The following RPGRIP1L variants were observed in gnomAD, a reference collection of about 807,000 sequenced individuals.
RPGRIP1L encodes RPGRIP1 like, also known as protein fantom.
In RPGRIP1L, 131 loss-of-function variants were observed where a neutral mutation model predicts 160.4. The ratio of observed to expected loss-of-function variants is 0.82; its 90% CI spans 0.71 to 0.94. The LOEUF (loss-of-function observed/expected upper bound fraction) is 0.94. Ranked by LOEUF, RPGRIP1L falls within the 40% of genes least tolerant of loss-of-function variation. The pLI is 0.00. For missense variants in RPGRIP1L, 1,522 were observed against 1,535.8 expected, an observed-to-expected ratio of 0.99 and a Z score of 0.15; for synonymous variants, 510 against 515.8, an observed-to-expected ratio of 0.99 and a Z score of 0.15.
intron 26 of RPGRIP1L, among the ~76,000 whole-genome samples, chr16:53,602,714 C>T (rs528848770): frequency 3.3e-5 from 5 of 150,028 alleles, no homozygotes; most frequent in African/African-American, 9.9e-5. Flanking sequence ...GTGGAGGTTG[C>T]GGTGAGCCGA....
chr16:53,616,807 C>T (rs1240315010), intron 24 of RPGRIP1L, among the ~76,000 whole-genome samples: 2 of 151,916 alleles, frequency 1.3e-5, no homozygotes, highest in East Asian at 1.9e-4. Context: ...CATGGTGGCT[C>T]GCACCTGTAA....
chr16:53,624,066 ATTT>A (rs1555591981), intron 22 of RPGRIP1L, among the ~76,000 whole-genome samples: 2 of 152,002 alleles, frequency 1.3e-5, no homozygotes, highest in Non-Finnish European at 2.9e-5. Context: ...TATTTTTTAA[ATTT>A]TTTGTAGAGA....
chr16:53,637,952 G>A, intron 20 of RPGRIP1L, 98 bp from the exon 21 acceptor site: 1 of 1,229,238 alleles, frequency 8.1e-7, no homozygotes, highest in Non-Finnish European at 1.2e-6. Flanking sequence ...ATGTAAATTT[G>A]AGACTTAAAT....
At chr16:53,675,488 C>T (rs540456009) in intron 6 of RPGRIP1L, among the ~76,000 whole-genome samples, 6 of 152,058 alleles carry the variant, frequency 3.9e-5, no homozygotes, top group Non-Finnish European at 7.4e-5. Flanking sequence ...TACCGAACTT[C>T]ACACTTATTT....
rs565245381 is a variant in RPGRIP1L at position 53,696,281 on chromosome 16, G to A, written c.100C>T (p.Arg34Trp). 53 of 1,613,824 alleles carry A rather than the reference G, an allele frequency of 3.3e-5. No homozygotes were observed. Among genetic ancestry groups the A allele is most frequent in the Middle Eastern group, 1.6e-4 (1 of 6,084 alleles). The change falls in exon 3 of 27, where the codon CGG becomes TGG. Residue 34 changes from arginine to tryptophan, a missense_variant. Transcript: ENST00000647211. Reference sequence around the variant, plus strand: ...ACTGCCTGGCGAGACTTCATTGTCCGTGTTGTTGAAGTTTCTGCAAAAATG... The same window carrying A: ...ACTGCCTGGCGAGACTTCATTGTCCATGTTGTTGAAGTTTCTGCAAAAATG... ...MGGLQETSTTRTMKSRQAVSR... is the reference protein window; with the variant it reads ...MGGLQETSTTWTMKSRQAVSR...
chr16:53,673,723 T>C (rs1332233055), intron 7 of RPGRIP1L, among the ~76,000 whole-genome samples: 3 of 152,052 alleles, frequency 2.0e-5, no homozygotes, highest in African/African-American at 7.2e-5. Flanking sequence ...AAATGACACA[T>C]GGCTATTGAG....
rs1360802119 is a variant in RPGRIP1L at position 53,695,568 on chromosome 16, A to C, written c.230+583T>G. 8 of 610,784 alleles carry C rather than the reference A, an allele frequency of 1.3e-5. No homozygotes were observed. In the East Asian group the frequency reaches 2.2e-4, roughly 17 times the overall value. 37.8% of individuals were successfully genotyped at this position (610,784 alleles called of 1,614,324 possible). A position where few individuals can be genotyped will look rare whatever the true frequency, so the allele number is the denominator to read the frequency against. On this transcript the variant is annotated intron_variant, in intron 3 of 26. Coordinates refer to ENST00000647211, the MANE Select transcript of RPGRIP1L (RefSeq NM_015272.5). ...GGCACAGCATTTCTGAATAAAAAAG[A>C]ATGAAAGAGTATCTACTCTTAAGAA...
intron 4 of RPGRIP1L, among the ~76,000 whole-genome samples, chr16:53,689,913 T>C (rs911802473): frequency 2.0e-5 from 3 of 152,218 alleles, no homozygotes; most frequent in Non-Finnish European, 2.9e-5. Flanking sequence ...TTAAAGTATG[T>C]AGTCATGTTT....
chr16:53,696,377 G>A, intron 2 of RPGRIP1L, 82 bp from the exon 3 acceptor site: 1 of 1,415,276 alleles, frequency 7.1e-7, no homozygotes, highest in South Asian at 1.2e-5. Context: ...AATCTCTGAT[G>A]CACTCATCTG....
chr16:53,652,137 G>A (rs1192935033), intron 15 of RPGRIP1L, among the ~76,000 whole-genome samples: 3 of 152,146 alleles, frequency 2.0e-5, no homozygotes, highest in South Asian at 2.1e-4. Context: ...GTGCAGTGGC[G>A]CCATCTCAGC....
In RPGRIP1L at chr16:53,602,056, T is replaced by C. The variant is rs780713134; in HGVS notation, c.*20A>G. 76 of 1,400,108 alleles carry C rather than the reference T, an allele frequency of 5.4e-5. 1 individual carries two copies. The South Asian group carries it at 8.7e-4, about 16-fold the overall frequency. 86.7% of individuals were successfully genotyped at this position (1,400,108 alleles called of 1,614,324 possible). A position where few individuals can be genotyped will look rare whatever the true frequency, so the allele number is the denominator to read the frequency against. ...TGAGCATTTACTGAGGAGTAGGAGA[T>C]GCCTCTGGAGCATTTGCTTTCAAGC... On this transcript the variant is annotated 3_prime_UTR_variant, in exon 27 of 27. Coordinates refer to ENST00000647211, the MANE Select transcript of RPGRIP1L (RefSeq NM_015272.5).
rs1445612197 is a variant in RPGRIP1L at position 53,605,535 on chromosome 16, C to A, written c.3781G>T (p.Asp1261Tyr). Residue 1261 changes from aspartate (D) to tyrosine (Y), a missense_variant, in exon 26 of 27, where the codon GAC (aspartate) becomes TAC (tyrosine). Physicochemically the swap from Asp to Tyr is radical, Grantham distance 160. Transcript: ENST00000647211. ...CCTTCCTGAAACATGTCGGCAAGGT[C>A]GACGTGAGCCACGCCAATGTCCTCA... ...ECEDIGVAHVDLADMFQEGRD... is the reference protein window; with the variant it reads ...ECEDIGVAHVYLADMFQEGRD... 2 of 1,614,074 alleles carry A rather than the reference C, an allele frequency of 1.2e-6. No homozygotes were observed. The highest frequency in any genetic ancestry group is 2.2e-5 in the East Asian group (1 of 44,866).
At chr16:53,624,983 A>C (rs1365034171) in intron 22 of RPGRIP1L, among the ~76,000 whole-genome samples, 1 of 152,046 alleles carries the variant, frequency 6.6e-6, no homozygotes, top group East Asian at 1.9e-4. Flanking sequence ...CCAGGCTGGT[A>C]TCCAGCTCCT....
In RPGRIP1L at chr16:53,703,644, C is replaced by T. The variant is rs1039184768; in HGVS notation, c.-8+159G>A. ...TTCAGGCCTGAGGATGTGGAGGTGT[C>T]TTGGGCTGGGCTGCTTTCACGCCAG... On this transcript the variant is annotated intron_variant, in intron 1 of 26. Transcript: ENST00000647211. 1.9e-5 allele frequency: 4 copies of T among 207,186 alleles called. No individual in the cohort carries two copies. In the Admixed American group the frequency reaches 2.1e-4, roughly 11 times the overall value. The allele number at this position is 207,186 out of a possible 1,614,324, so 12.8% of individuals were successfully genotyped here. A position where few individuals can be genotyped will look rare whatever the true frequency, so the allele number is the denominator to read the frequency against.
chr16:53,622,378 A>AAT (rs1964791173), intron 22 of RPGRIP1L, 22 bp from the exon 23 acceptor site: 4 of 614,978 alleles, frequency 6.5e-6, no homozygotes, highest in Non-Finnish European at 1.2e-5. Context: ...AAAAAAAAAA[A>AAT]ATCTTAAGAT....
In RPGRIP1L at chr16:53,602,208, A is replaced by G. The variant is rs1399609128; in HGVS notation, c.3836-20T>C. 3.3e-6 allele frequency: 5 copies of G among 1,519,648 alleles called. No individual in the cohort carries two copies. The highest frequency in any genetic ancestry group is 4.6e-6 in the Non-Finnish European group (5 of 1,094,802). The allele number at this position is 1,519,648 out of a possible 1,614,324, so 94.1% of individuals were successfully genotyped here. A position where few individuals can be genotyped will look rare whatever the true frequency, so the allele number is the denominator to read the frequency against. ...CAAAAACTAGGGAGAAAAGAGCAGG[A>G]AAGTGTTAATATCATTCAACAGATT... On this transcript the variant is annotated intron_variant, in intron 26 of 26. Transcript: ENST00000647211.
chr16:53,602,561 A>C (rs577924930), intron 26 of RPGRIP1L, among the ~76,000 whole-genome samples: 1 of 152,212 alleles, frequency 6.6e-6, no homozygotes, highest in South Asian at 2.1e-4. Context: ...TGATCACCTG[A>C]GGTTGAGAGT....
At chr16:53,626,854 C>G (rs1965220560) in intron 22 of RPGRIP1L, among the ~76,000 whole-genome samples, 1 of 150,366 alleles carries the variant, frequency 6.7e-6, no homozygotes, top group East Asian at 2.0e-4. Flanking sequence ...AGAAGTCATT[C>G]AAATCAGAAC....
chr16:53,643,543 C>A (rs1382191876), intron 17 of RPGRIP1L, among the ~76,000 whole-genome samples: 1 of 152,068 alleles, frequency 6.6e-6, no homozygotes, highest in East Asian at 1.9e-4. Context: ...CACACACTGA[C>A]CCATAGGCAA....
Sources: allele counts gnomAD v4.1 joint callset (sites outside exome capture counted in the v4.1 genomes callset), GRCh38; gene constraint gnomAD v4.1.1; transcripts MANE v1.5; gene names NCBI Gene and HGNC (gene_info 2026-07-23, HGNC 2026-07-21).